The following EFNA5 variants were observed in gnomAD, a reference collection of about 807,000 sequenced individuals.
EFNA5 encodes ephrin-A5.
In EFNA5, 5 loss-of-function variants were observed where a neutral mutation model predicts 22.9. That is an observed-to-expected ratio of 0.22 (90% CI 0.11 to 0.46). The LOEUF (loss-of-function observed/expected upper bound fraction) is 0.46. Among genes scored for constraint, EFNA5 ranks in the 20% least tolerant of loss-of-function variants. The probability of loss-of-function intolerance (pLI) is 0.99; values close to 1 mark genes in which losing one functional copy is unlikely to be tolerated. For missense variants in EFNA5, 237 were observed against 293.3 expected, an observed-to-expected ratio of 0.81 and a Z score of 1.40; for synonymous variants, 113 against 112.2, an observed-to-expected ratio of 1.01 and a Z score of -0.04.
intron 1 of EFNA5, among the ~76,000 whole-genome samples, chr5:107,438,393 GC>G (rs1749171183): frequency 6.6e-6 from 1 of 152,128 alleles, no homozygotes; most frequent in South Asian, 2.1e-4. Flanking sequence ...TATCACATTG[GC>G]AGAAACATCC....
chr5:107,543,706 AT>A (rs955935514), intron 1 of EFNA5, among the ~76,000 whole-genome samples: 6 of 81,216 alleles, frequency 7.4e-5, no homozygotes, highest in Non-Finnish European at 1.6e-4. Context: ...CCAAAGTATA[AT>A]TTAAAAAAAA....
intron 1 of EFNA5, among the ~76,000 whole-genome samples, chr5:107,575,710 C>T (rs1470874897): frequency 6.6e-6 from 1 of 152,028 alleles, no homozygotes; most frequent in African/African-American, 2.4e-5. Context: ...GTTTACATTC[C>T]ACTATGAGAA....
At chr5:107,608,311 G>A (rs955178686) in intron 1 of EFNA5, among the ~76,000 whole-genome samples, 3 of 152,158 alleles carry the variant, frequency 2.0e-5, no homozygotes, top group East Asian at 3.9e-4. Flanking sequence ...TTGAGCAACC[G>A]TGTTAGGAGA....
chr5:107,492,980 G>A (rs1746856281), intron 1 of EFNA5, among the ~76,000 whole-genome samples: 1 of 145,886 alleles, frequency 6.9e-6, no homozygotes, highest in Non-Finnish European at 1.5e-5. Flanking sequence ...CCTGGGGACA[G>A]AGACTCCATC....
intron 1 of EFNA5, among the ~76,000 whole-genome samples, chr5:107,591,906 AATATAAAAAAT>A (rs1167284698): frequency 0.059 from 244 of 4,104 alleles, 5 homozygotes; most frequent in African/African-American, 0.083. Context: ...TATAATATAT[AATATAAAAAAT>A]ATATATATAA....
At chr5:107,638,143 G>A (rs901765695) in intron 1 of EFNA5, among the ~76,000 whole-genome samples, 3 of 151,850 alleles carry the variant, frequency 2.0e-5, no homozygotes, top group Admixed American at 2.0e-4. Context: ...TTGAGCCATC[G>A]TGCCCGGCCA....
At chr5:107,658,787 C>A (rs1241857648) in intron 1 of EFNA5, among the ~76,000 whole-genome samples, 2 of 152,130 alleles carry the variant, frequency 1.3e-5, no homozygotes, top group Non-Finnish European at 2.9e-5. Context: ...CCCAGACCCA[C>A]TAAATTAAAA....
intron 1 of EFNA5, among the ~76,000 whole-genome samples, chr5:107,494,155 G>A (rs1437957190): frequency 1.3e-5 from 2 of 152,200 alleles, no homozygotes; most frequent in Non-Finnish European, 2.9e-5. Flanking sequence ...CGGCACTTGA[G>A]GAGCCCTTCA....
At chr5:107,410,857 T>C (rs1038596431) in intron 2 of EFNA5, among the ~76,000 whole-genome samples, 4 of 152,198 alleles carry the variant, frequency 2.6e-5, no homozygotes, top group African/African-American at 7.2e-5. Context: ...GTGGCAGAAA[T>C]GAGACTTAAC....
intron 1 of EFNA5, among the ~76,000 whole-genome samples, chr5:107,502,270 T>C (rs1359561939): frequency 6.6e-6 from 1 of 152,194 alleles, no homozygotes; most frequent in African/African-American, 2.4e-5. Context: ...CATGACTCAC[T>C]GCAACAGGAA....
chr5:107,595,860 C>T (rs1452203320), intron 1 of EFNA5, among the ~76,000 whole-genome samples: 1 of 152,142 alleles, frequency 6.6e-6, no homozygotes, highest in East Asian at 1.9e-4. Context: ...CAGGCATCTA[C>T]ATACCCAATA....
chr5:107,587,962 G>C (rs147011434), intron 1 of EFNA5, among the ~76,000 whole-genome samples: 2 of 152,140 alleles, frequency 1.3e-5, no homozygotes, highest in African/African-American at 4.8e-5. Context: ...AGGCTCTATG[G>C]TGCCAGGCAC....
intron 1 of EFNA5, among the ~76,000 whole-genome samples, chr5:107,604,160 C>T (rs1749661018): frequency 6.6e-6 from 1 of 152,102 alleles, no homozygotes; most frequent in Non-Finnish European, 1.5e-5. Flanking sequence ...TGGCTATTCC[C>T]AGTCACCAAT....
chr5:107,419,064 G>A (rs1340928083), intron 2 of EFNA5, among the ~76,000 whole-genome samples: 2 of 152,184 alleles, frequency 1.3e-5, no homozygotes, highest in African/African-American at 4.8e-5. Context: ...TGTGCTAGGC[G>A]AAGCCATTAC....
intron 2 of EFNA5, among the ~76,000 whole-genome samples, chr5:107,425,746 A>G (rs1209063108): frequency 6.6e-6 from 1 of 152,196 alleles, no homozygotes; most frequent in Non-Finnish European, 1.5e-5. Context: ...TATAAGTGAC[A>G]GTTATCATTG....
intron 1 of EFNA5, among the ~76,000 whole-genome samples, chr5:107,652,234 T>G (rs894768399): frequency 6.6e-6 from 1 of 152,158 alleles, no homozygotes; most frequent in African/African-American, 2.4e-5. Flanking sequence ...ATTCCCCAAA[T>G]CCATATACAA....
chr5:107,482,854 CTCTCTCTCTCTCTCTCTATATATATA>C lies in EFNA5; in HGVS notation c.126-55371_126-55346del, dbSNP rs1561406376. ...TCTGTCTCTCTCTCTCTCTCTCTCTCTCTCTCTCTCTCTCTCTATATATATATATATATATATATACATACATATAT... is the reference window on the plus strand; with the variant it reads ...TCTGTCTCTCTCTCTCTCTCTCTCTCTATATATATATATACATACATATAT... On this transcript the variant is annotated intron_variant, in intron 1 of 4. Coordinates refer to ENST00000333274, the MANE Select transcript of EFNA5 (RefSeq NM_001962.3). Among the ~76,000 whole-genome samples the C allele has an allele frequency of 1.7e-4, 12 of 69,076 alleles. 1 individual carries two copies. The highest frequency in any genetic ancestry group is 4.2e-4 in the African/African-American group (7 of 16,514). The allele number at this position is 69,076 out of a possible 152,430, so 45.3% of individuals were successfully genotyped here. A position where few individuals can be genotyped will look rare whatever the true frequency, so the allele number is the denominator to read the frequency against.
At chr5:107,647,063 T>C (rs946891006) in intron 1 of EFNA5, among the ~76,000 whole-genome samples, 2 of 152,132 alleles carry the variant, frequency 1.3e-5, no homozygotes, top group African/African-American at 2.4e-5. Flanking sequence ...TTTTCAAAAA[T>C]AGCATCTCTG....
chr5:107,563,177 G>A (rs1266139463), intron 1 of EFNA5, among the ~76,000 whole-genome samples: 1 of 152,110 alleles, frequency 6.6e-6, no homozygotes, highest in Non-Finnish European at 1.5e-5. Context: ...GCTCTTTAAG[G>A]ACCAAACCTT....
Sources: gnomAD v4.1 joint callset for allele counts (sites outside exome capture counted in the v4.1 genomes callset) on GRCh38, gnomAD v4.1.1 for gene constraint, MANE v1.5 for transcripts, NCBI Gene and HGNC (gene_info 2026-07-23, HGNC 2026-07-21) for gene names.